Variants in COPS2 observed in about 807,000 individuals in gnomAD.
The protein encoded by COPS2 is COP9 signalosome subunit 2.
In COPS2, 10 loss-of-function variants were observed where a neutral mutation model predicts 66.1. The observed-to-expected ratio is 0.15, with a 90% CI of 0.09 to 0.26. COPS2 has a LOEUF of 0.26. Among genes scored for constraint, COPS2 ranks in the 10% least tolerant of loss-of-function variants. COPS2 has a pLI of 1.00. For missense variants in COPS2, 215 were observed against 513.3 expected (o/e 0.42, Z 5.62); for synonymous variants, 179 against 171.3 (o/e 1.04, Z -0.35).
intron 9 of COPS2, among the ~76,000 whole-genome samples, chr15:49,131,743 T>G (rs975641307): frequency 2.0e-5 from 3 of 152,140 alleles, no homozygotes; most frequent in African/African-American, 4.8e-5. Context: ...GGAGGACATA[T>G]TCAAGCATTG....
chr15:49,139,250 G>T (rs553441219), intron 4 of COPS2: 2 of 251,536 alleles, frequency 8.0e-6, no homozygotes, highest in Admixed American at 5.7e-5. Flanking sequence ...ACCTGTGGTA[G>T]CAACTGTATA....
intron 11 of COPS2, 67 bp downstream of exon 11, chr15:49,129,410 C>A (rs1357076724): frequency 2.1e-5 from 12 of 565,844 alleles, no homozygotes; most frequent in Non-Finnish European, 3.1e-5. Flanking sequence ...CTCTTAAATG[C>A]AAGACTGGTA....
intron 7 of COPS2, 35 bp downstream of exon 7, chr15:49,134,305 C>T: frequency 6.3e-7 from 1 of 1,599,140 alleles, no homozygotes; most frequent in Non-Finnish European, 8.5e-7. Flanking sequence ...GATATCTCCC[C>T]ATGCCACTGC....
intron 3 of COPS2, among the ~76,000 whole-genome samples, chr15:49,141,644 C>T (rs918887937): frequency 5.3e-5 from 8 of 152,138 alleles, no homozygotes; most frequent in African/African-American, 1.9e-4. Flanking sequence ...GTGAACCCTT[C>T]CAACTTTTTA....
In COPS2 at chr15:49,155,536, C is replaced by T; in HGVS notation, c.43G>A (p.Asp15Asn). Residue 15 changes from aspartate to asparagine, a missense_variant, in exon 1 of 13, where the codon GAC becomes AAC. By Grantham distance (23) the Asp-to-Asn change is conservative (BLOSUM62 1). This residue lies in a region of COPS2 where 27 missense variants were observed against 21.5 expected (regional missense o/e 1.25). Coordinates refer to ENST00000388901, the MANE Select transcript of COPS2 (RefSeq NM_004236.4). ...TCCCTGCGCCTCACCAGGTCGTAGT[C>T]CTCCTCATCATCGCACATGAAATCA... ...EDDFMCDDEE[D>N]YDLEYSEDSN... The T allele has an allele frequency of 6.2e-7, 1 of 1,614,204 alleles. No individual in the cohort carries two copies. The highest frequency in any genetic ancestry group is 8.5e-7 in the Non-Finnish European group (1 of 1,180,010).
At chr15:49,155,101 C>T (rs548579293) in intron 1 of COPS2, among the ~76,000 whole-genome samples, 19 of 152,380 alleles carry the variant, frequency 1.2e-4, no homozygotes, top group Non-Finnish European at 2.4e-4. Context: ...CTTCTCCTAG[C>T]ATTTCGCACC....
chr15:49,133,121 T>TG (rs1169961522), intron 9 of COPS2, among the ~76,000 whole-genome samples: 1 of 151,782 alleles, frequency 6.6e-6, no homozygotes, highest in Non-Finnish European at 1.5e-5. Context: ...CCCGAGTAGC[T>TG]GAGACTACAG....
Position 49,134,344 on chromosome 15 carries a change from G to A in COPS2, c.711C>T (p.Ile237=). 1 of 1,612,726 alleles carries A rather than the reference G, an allele frequency of 6.2e-7. No individual in the cohort carries two copies. Among genetic ancestry groups the A allele is most frequent in the Non-Finnish European group, 8.5e-7 (1 of 1,179,556 alleles). ...CCCTCTCCAAACCAAACTTGCCTCT[G>A]ATAACTCCCATAATCAGTGGATGAG... ...AIPHPLIMGV[I]RECGGKMHLR... The change falls in exon 7 of 13, where the codon ATC becomes ATT. Residue 237 remains isoleucine, a synonymous_variant. Coordinates refer to ENST00000388901, the MANE Select transcript of COPS2 (RefSeq NM_004236.4).
chr15:49,148,513 T>C (rs2084337334), intron 1 of COPS2, among the ~76,000 whole-genome samples: 1 of 152,192 alleles, frequency 6.6e-6, no homozygotes. Context: ...TATGAATAGT[T>C]TGGGCTGAAG....
chr15:49,139,653 T>C lies in COPS2; in HGVS notation c.247A>G (p.Thr83Ala), dbSNP rs1292541283. 16 of 1,581,428 alleles carry C rather than the reference T, an allele frequency of 1.0e-5. No individual in the cohort carries two copies. Among genetic ancestry groups the C allele is most frequent in the Non-Finnish European group, 1.3e-5 (15 of 1,167,328 alleles). Residue 83 changes from threonine (T) to alanine (A), a missense_variant and splice_region_variant, in exon 4 of 13, where the codon ACA becomes GCA. By Grantham distance (58) the Thr-to-Ala change is moderately conservative. Coordinates refer to ENST00000388901, the MANE Select transcript of COPS2 (RefSeq NM_004236.4). ...KQMIKINFKL[T>A]NFPEMMNRYK... is the part of the protein sequence containing the mutation. ...CTATTCATCATTTCTGGAAAGTTTG[T>C]CTGTGAGAAAAGAAAAATGAATTAT...
Position 49,127,803 on chromosome 15 carries a change from A to C in COPS2, c.*147T>G. ...GGGATAAATGCAGCAGCAAAACACA[A>C]ACCAGTTGATCAAAAAAGCACTTCT... On this transcript the variant is annotated 3_prime_UTR_variant, in exon 13 of 13. Transcript: ENST00000388901. The C allele has an allele frequency of 1.2e-6, 1 of 819,486 alleles. No individual in the cohort carries two copies. The allele number at this position is 819,486 out of a possible 1,614,324, so 50.8% of individuals were successfully genotyped here.
At chr15:49,155,312 T>G (rs1017311509) in intron 1 of COPS2, among the ~76,000 whole-genome samples, 1 of 152,194 alleles carries the variant, frequency 6.6e-6, no homozygotes, top group Admixed American at 6.5e-5. Context: ...CGGGGCCCCC[T>G]TCGCTGCCTC....
chr15:49,128,851 T>A, intron 11 of COPS2, 91 bp from the exon 12 acceptor site: 1 of 849,698 alleles, frequency 1.2e-6, no homozygotes. Flanking sequence ...TTTCTATCAC[T>A]TAAAGGAAAA....
intron 12 of COPS2, among the ~76,000 whole-genome samples, chr15:49,128,454 T>C (rs550133262): frequency 2.3e-4 from 35 of 151,974 alleles, no homozygotes; most frequent in Admixed American, 1.2e-3. Flanking sequence ...ATACTATTCA[T>C]TAAATAATTC....
At chr15:49,147,014 C>G (rs138757271) in intron 1 of COPS2, among the ~76,000 whole-genome samples, 47 of 152,200 alleles carry the variant, frequency 3.1e-4, no homozygotes, top group African/African-American at 1.1e-3. Context: ...CTCTCTTCAT[C>G]TAGTTAACTA....
intron 1 of COPS2, among the ~76,000 whole-genome samples, chr15:49,149,821 C>T (rs2084346139): frequency 6.6e-6 from 1 of 152,108 alleles, no homozygotes; most frequent in Admixed American, 6.5e-5. Flanking sequence ...TATGTTGGCA[C>T]ACTAAGAGGT....
chr15:49,127,711 A>T lies in COPS2; in HGVS notation c.*239T>A. 1 of 381,710 alleles carries T rather than the reference A, an allele frequency of 2.6e-6. No individual in the cohort carries two copies. The highest frequency in any genetic ancestry group is 4.7e-6 in the Non-Finnish European group (1 of 213,636). 23.6% of individuals were successfully genotyped at this position (381,710 alleles called of 1,614,324 possible). A position where few individuals can be genotyped will look rare whatever the true frequency, so the allele number is the denominator to read the frequency against. ...ACTATGATGTTGTACGTTTAGGGCAAGATGTCAATACAGCATAAATCCCAT... is the reference window on the plus strand; with the variant it reads ...ACTATGATGTTGTACGTTTAGGGCATGATGTCAATACAGCATAAATCCCAT... On this transcript the variant is annotated 3_prime_UTR_variant, in exon 13 of 13. Coordinates refer to ENST00000388901, the MANE Select transcript of COPS2 (RefSeq NM_004236.4).
chr15:49,144,056 A>G (rs1015373365), intron 3 of COPS2, among the ~76,000 whole-genome samples, 171 bp downstream of exon 3: 8 of 152,260 alleles, frequency 5.3e-5, no homozygotes, highest in Non-Finnish European at 1.0e-4. Context: ...TATCCTATGA[A>G]GAATTTGTTT....
rs1330827857 is a variant in COPS2, at chr15:49,123,981, T to C, written c.*3969A>G. The stretch of plus-strand genomic sequence containing the variant: ...CCTCCAAATGGCATTTAAACTCACA[T>C]TTTAATGGCCCAAGAAGTTACTATA... On this transcript the variant is annotated 3_prime_UTR_variant, in exon 13 of 13. Transcript: ENST00000388901. The C allele has an allele frequency of 6.6e-6, 1 of 152,250 alleles. No homozygotes were observed. The highest frequency in any genetic ancestry group is 1.5e-5 in the Non-Finnish European group (1 of 68,048). 9.4% of individuals were successfully genotyped at this position (152,250 alleles called of 1,614,324 possible).
Sources: gnomAD v4.1 joint callset for allele counts (sites outside exome capture counted in the v4.1 genomes callset) on GRCh38, gnomAD v4.1.1 for gene constraint, gnomAD v4.1.1 regional missense constraint, MANE v1.5 for transcripts, NCBI Gene and HGNC (gene_info 2026-07-23, HGNC 2026-07-21) for gene names.